Variants in CTIF observed in about 807,000 individuals in gnomAD.
The protein encoded by CTIF is cap binding complex dependent translation initiation factor, also known as CBP80/20-dependent translation initiation factor.
A neutral mutation model predicts 66.0 loss-of-function variants in CTIF; 21 were observed. The observed-to-expected ratio is 0.32, with a 90% CI of 0.23 to 0.46. The LOEUF (loss-of-function observed/expected upper bound fraction) is 0.46. Ranked by LOEUF, CTIF falls within the 20% of genes least tolerant of loss-of-function variation. CTIF has a pLI of 1.00. For synonymous variants in CTIF, 345 were observed against 326.4 expected, an observed-to-expected ratio of 1.06 and a Z score of -0.62; for missense variants, 739 against 812.7, an observed-to-expected ratio of 0.91 and a Z score of 1.10.
chr18:48,720,999 G>A (rs960370140), intron 7 of CTIF, among the ~76,000 whole-genome samples: 1 of 152,178 alleles, frequency 6.6e-6, no homozygotes, highest in Non-Finnish European at 1.5e-5. Context: ...GGGACAAATG[G>A]GTAAGAAAAG....
intron 2 of CTIF, among the ~76,000 whole-genome samples, chr18:48,632,857 T>C (rs889484152): frequency 6.6e-6 from 1 of 152,082 alleles, no homozygotes; most frequent in Non-Finnish European, 1.5e-5. Context: ...GGACACTCTT[T>C]GTTGAGGGCC....
intron 2 of CTIF, among the ~76,000 whole-genome samples, chr18:48,631,877 G>A (rs1286455714): frequency 6.6e-6 from 1 of 152,196 alleles, no homozygotes; most frequent in Non-Finnish European, 1.5e-5. Context: ...TGCCTTGAAA[G>A]GGAAATGTGT....
At chr18:48,593,385 T>C (rs1314600080) in intron 1 of CTIF, among the ~76,000 whole-genome samples, 10 of 150,960 alleles carry the variant, frequency 6.6e-5, no homozygotes, top group African/African-American at 7.4e-5. Context: ...CTTTTTTTTT[T>C]CTTTTTTTTT....
At chr18:48,731,265 C>G (rs1374367421) in intron 7 of CTIF, among the ~76,000 whole-genome samples, 1 of 152,148 alleles carries the variant, frequency 6.6e-6, no homozygotes, top group Non-Finnish European at 1.5e-5. Context: ...TGCAGACCAC[C>G]AGGACCCCCA....
chr18:48,851,902 C>A (rs1420791905), intron 10 of CTIF, among the ~76,000 whole-genome samples: 1 of 151,934 alleles, frequency 6.6e-6, no homozygotes, highest in Non-Finnish European at 1.5e-5. Context: ...GCTAAGCACC[C>A]TAGGGAAGCA....
chr18:48,733,456 C>T (rs561879957), intron 7 of CTIF, among the ~76,000 whole-genome samples: 10 of 152,184 alleles, frequency 6.6e-5, no homozygotes, highest in Non-Finnish European at 1.2e-4. Flanking sequence ...CCACTGAGTG[C>T]AGGGTCAGGA....
intron 10 of CTIF, among the ~76,000 whole-genome samples, chr18:48,825,314 G>T (rs2068561780): frequency 2.0e-5 from 3 of 152,058 alleles, no homozygotes; most frequent in Admixed American, 1.3e-4. Context: ...CCTCTGAGGG[G>T]TGTCTCTGAG....
intron 9 of CTIF, among the ~76,000 whole-genome samples, chr18:48,783,844 A>G (rs1426626284): frequency 6.6e-6 from 1 of 151,746 alleles, no homozygotes; most frequent in Non-Finnish European, 1.5e-5. Context: ...CTCTGACCCC[A>G]GTCCACCGAG....
intron 1 of CTIF, among the ~76,000 whole-genome samples, chr18:48,597,153 T>A (rs555607218): frequency 6.6e-6 from 1 of 152,322 alleles, no homozygotes; most frequent in East Asian, 1.9e-4. Context: ...AACTGGCCTC[T>A]TCGTTCACTG....
At chr18:48,782,365 G>T (rs1257194626) in intron 9 of CTIF, among the ~76,000 whole-genome samples, 1 of 152,130 alleles carries the variant, frequency 6.6e-6, no homozygotes, top group East Asian at 1.9e-4. Context: ...AGGGATGGGG[G>T]CAGCACTCTG....
chr18:48,614,205 A>C (rs556724649), intron 1 of CTIF, among the ~76,000 whole-genome samples: 1 of 152,298 alleles, frequency 6.6e-6, no homozygotes, highest in Admixed American at 6.5e-5. Flanking sequence ...ACACTGAGCC[A>C]GGCTGAAACC....
chr18:48,577,502 GC>G (rs1480695353), intron 1 of CTIF, among the ~76,000 whole-genome samples: 25 of 152,258 alleles, frequency 1.6e-4, no homozygotes, highest in African/African-American at 5.1e-4. Flanking sequence ...TTAGATAAAA[GC>G]TTTTTTGAGA....
At chr18:48,590,603 C>G (rs1009436487) in intron 1 of CTIF, among the ~76,000 whole-genome samples, 4 of 152,236 alleles carry the variant, frequency 2.6e-5, no homozygotes, top group African/African-American at 7.2e-5. Context: ...AAATCCTTTG[C>G]CCTTCCCTGG....
intron 7 of CTIF, among the ~76,000 whole-genome samples, chr18:48,754,456 G>A (rs1908145360): frequency 6.6e-6 from 1 of 152,204 alleles, no homozygotes; most frequent in Non-Finnish European, 1.5e-5. Context: ...CTCACCCTGA[G>A]AACTAAGCAA....
intron 1 of CTIF, among the ~76,000 whole-genome samples, chr18:48,556,933 G>A (rs1012251277): frequency 3.3e-5 from 5 of 152,196 alleles, no homozygotes; most frequent in African/African-American, 1.2e-4. Flanking sequence ...TATGAGATTG[G>A]CATAACAGTG....
chr18:48,590,126 G>A (rs1473768992), intron 1 of CTIF, among the ~76,000 whole-genome samples: 10 of 152,246 alleles, frequency 6.6e-5, no homozygotes, highest in African/African-American at 7.2e-5. Flanking sequence ...GTGCGGGGGC[G>A]TGGTGGTATG....
Position 48,859,648 on chromosome 18 carries a change from T to C in CTIF, c.*89T>C, listed in dbSNP as rs2146692478. On this transcript the variant is annotated 3_prime_UTR_variant, in exon 12 of 12. Coordinates refer to ENST00000256413, the MANE Select transcript of CTIF (RefSeq NM_014772.3). ...ACAGGCGGGAGGACAGGGGTGGCCC[T>C]GGCGGGAGAAAGAAATGGGGAGGAG... is the stretch of plus-strand genomic sequence containing the variant. 7.8e-7 allele frequency: 1 copy of C among 1,285,454 alleles called. No homozygotes were observed. Among genetic ancestry groups the C allele is most frequent in the Admixed American group, 1.8e-5 (1 of 56,908 alleles). The allele number at this position is 1,285,454 out of a possible 1,614,324, so 79.6% of individuals were successfully genotyped here. A position where few individuals can be genotyped will look rare whatever the true frequency, so the allele number is the denominator to read the frequency against.
chr18:48,742,330 G>A (rs1310885417), intron 7 of CTIF, among the ~76,000 whole-genome samples: 1 of 152,206 alleles, frequency 6.6e-6, no homozygotes, highest in Non-Finnish European at 1.5e-5. Flanking sequence ...ACAGCACAGT[G>A]TGCAGGGTGC....
At chr18:48,620,978 A>T (rs1015469402) in intron 2 of CTIF, among the ~76,000 whole-genome samples, 18 of 83,908 alleles carry the variant, frequency 2.1e-4, no homozygotes, top group Non-Finnish European at 4.6e-4. Context: ...CCTGAGGGAG[A>T]AAAAAAAAAA....
Sources: allele counts gnomAD v4.1 joint callset (sites outside exome capture counted in the v4.1 genomes callset), GRCh38; gene constraint gnomAD v4.1.1; transcripts MANE v1.5; gene names NCBI Gene and HGNC (gene_info 2026-07-23, HGNC 2026-07-21).